The following MORN3 variants were observed in gnomAD, a reference collection of about 807,000 sequenced individuals.
MORN3 encodes MORN repeat containing 3, also known as MORN repeat-containing protein 3.
In MORN3, 38 loss-of-function variants were observed where a neutral mutation model predicts 34.7. That is an observed-to-expected ratio of 1.10 (90% CI 0.85 to 1.44). The LOEUF (loss-of-function observed/expected upper bound fraction) is 1.44. Ranked by LOEUF, MORN3 falls within the 40% of genes most tolerant of loss-of-function variation. The pLI, the probability that MORN3 is intolerant of heterozygous loss-of-function variation, is 0.00. For synonymous variants in MORN3, 109 were observed against 115.3 expected, an observed-to-expected ratio of 0.95 and a Z score of 0.35; for missense variants, 311 against 321.7, an observed-to-expected ratio of 0.97 and a Z score of 0.25.
Position 121,653,078 on chromosome 12 carries a change from A to G in MORN3, c.645T>C (p.Pro215=), listed in dbSNP as rs369562213. The G allele has an allele frequency of 6.2e-7, 1 of 1,609,556 alleles. No homozygotes were observed. Among genetic ancestry groups the G allele is most frequent in the East Asian group, 2.2e-5 (1 of 44,646 alleles). Reference sequence around the variant, plus strand: ...GGCCCTGGTGAGGGCTGCCCACCTCAGGAATGGGGAACTGAGTGGGCTCAG... The same window carrying G: ...GGCCCTGGTGAGGGCTGCCCACCTCGGGAATGGGGAACTGAGTGGGCTCAG... The part of the protein sequence containing the change: ...EAPEPTQFPI[P]EVKILDPDGV... Residue 215 remains proline, a synonymous_variant, in exon 4 of 6, where the codon CCT becomes CCC. Transcript: ENST00000355329.
rs1555324995 is a variant in MORN3 at position 121,650,970 on chromosome 12, G to C, written c.*681C>G. 6.6e-6 allele frequency: 1 copy of C among 152,224 alleles called. No individual in the cohort carries two copies. The highest frequency in any genetic ancestry group is 1.5e-5 in the Non-Finnish European group (1 of 68,074). The allele number at this position is 152,224 out of a possible 1,614,324, so 9.4% of individuals were successfully genotyped here. On this transcript the variant is annotated 3_prime_UTR_variant, in exon 6 of 6. Coordinates refer to ENST00000355329, the MANE Select transcript of MORN3 (RefSeq NM_173855.5). ...AGTTTCCATGGGATTTCAAGGTTGA[G>C]AGCCCTGTGTTAGGCTGAGAAGTGG...
chr12:121,671,894 AAG>A (rs1893979555), upstream of MORN3, among the ~76,000 whole-genome samples: 1 of 152,052 alleles, frequency 6.6e-6, no homozygotes, highest in African/African-American at 2.4e-5. Flanking sequence ...AAAAAAAAAA[AAG>A]ATTAGCAAAT....
At chr12:121,659,384 G>C in intron 1 of MORN3, 36 bp from the exon 2 acceptor site, 1 of 1,606,224 alleles carries the variant, frequency 6.2e-7, no homozygotes, top group East Asian at 2.2e-5. Flanking sequence ...TGCAGACATG[G>C]CCGCCGGGGG....
chr12:121,672,083 T>G (rs1471750212), upstream of MORN3, among the ~76,000 whole-genome samples: 1 of 152,160 alleles, frequency 6.6e-6, no homozygotes. Context: ...ACATAGGTTC[T>G]ACTCCGGAGG....
chr12:121,659,862 G>A lies in MORN3; in HGVS notation c.146-514C>T, dbSNP rs188668104. 1.9e-4 allele frequency among the ~76,000 whole-genome samples: 29 copies of A among 151,828 alleles called. 1 individual carries two copies. The highest frequency in any genetic ancestry group is 1.4e-3 in the Admixed American group (21 of 15,208). On this transcript the variant is annotated intron_variant, in intron 1 of 5. Coordinates refer to ENST00000355329, the MANE Select transcript of MORN3 (RefSeq NM_173855.5). ...ATTCTCTTATTTGTTGATTAGTGTC[G>A]CATGCCTGTCTTTTCCAGGAGAATG...
rs200961508 is a variant in MORN3, at chr12:121,653,203, G to A, written c.520C>T (p.Arg174Cys). ...WERGMKNGAG[R>C]FFHLDHGQLF... ...TGGCCGTGGTCCAGATGGAAGAAAC[G>A]CCCCGCCCCGTTCTTCATGCCTCTC... Residue 174 changes from arginine to cysteine, a missense_variant, in exon 4 of 6, where the codon CGT (arginine) becomes TGT (cysteine). By Grantham distance (180) the Arg-to-Cys change is radical (BLOSUM62 -3). Coordinates refer to ENST00000355329, the MANE Select transcript of MORN3 (RefSeq NM_173855.5). 174 of 1,614,030 alleles carry A rather than the reference G, an allele frequency of 1.1e-4. No homozygotes were observed. The highest frequency in any genetic ancestry group is 1.2e-4 in the African/African-American group (9 of 74,944).
chr12:121,654,304 TGTC>T lies in MORN3; in HGVS notation c.430_432del (p.Asp144del), dbSNP rs781901029. Reference sequence around the variant, plus strand: ...CGCAGCATGCCCTCCCCGTTGGGCTTGTCGTTCTCCCACTGTCCCTCGTAGATG... The same window carrying T: ...CGCAGCATGCCCTCCCCGTTGGGCTTGTTCTCCCACTGTCCCTCGTAGATG... On this transcript the variant is annotated inframe_deletion, in exon 3 of 6. Coordinates refer to ENST00000355329, the MANE Select transcript of MORN3 (RefSeq NM_173855.5). 5 of 1,597,704 alleles carry T rather than the reference TGTC, an allele frequency of 3.1e-6. No individual in the cohort carries two copies. Among genetic ancestry groups the T allele is most frequent in the Admixed American group, 1.7e-5 (1 of 57,392 alleles).
rs1208358365 is a variant in MORN3, at chr12:121,653,251, T to C, written c.472A>G (p.Asn158Asp). The C allele has an allele frequency of 6.2e-7, 1 of 1,613,740 alleles. No individual in the cohort carries two copies. The highest frequency in any genetic ancestry group is 8.5e-7 in the Non-Finnish European group (1 of 1,179,908). Residue 158 changes from asparagine to aspartate, a missense_variant, in exon 4 of 6, where the codon AAC becomes GAC. Coordinates refer to ENST00000355329, the MANE Select transcript of MORN3 (RefSeq NM_173855.5). ...GEGMLRLKNG[N>D]RYEGCWERGM... ...CTCTCCCAGCAGCCCTCGTAGCGGT[T>C]CCCGTTCTCTGGGGGAAAGGACAGG...
Position 121,653,201 on chromosome 12 carries a change from A to G in MORN3, c.522T>C (p.Arg174=), listed in dbSNP as rs1555325289. The G allele has an allele frequency of 1.9e-6, 3 of 1,614,100 alleles. No homozygotes were observed. In the South Asian group the frequency reaches 3.3e-5, roughly 18 times the overall value. The change falls in exon 4 of 6, where the codon CGT becomes CGC. Residue 174 remains arginine (R), a synonymous_variant. Coordinates refer to ENST00000355329, the MANE Select transcript of MORN3 (RefSeq NM_173855.5). ...GCTGGCCGTGGTCCAGATGGAAGAA[A>G]CGCCCCGCCCCGTTCTTCATGCCTC... is the stretch of plus-strand genomic sequence containing the variant. ...WERGMKNGAG[R]FFHLDHGQLF...
At chr12:121,657,141 G>C (rs1481352414) in intron 2 of MORN3, among the ~76,000 whole-genome samples, 1 of 152,086 alleles carries the variant, frequency 6.6e-6, no homozygotes, top group African/African-American at 2.4e-5. Context: ...ACTAACTTTG[G>C]GAGAAACTTA....
chr12:121,656,024 C>T (rs1234766577), intron 2 of MORN3, among the ~76,000 whole-genome samples: 1 of 152,084 alleles, frequency 6.6e-6, no homozygotes, highest in Non-Finnish European at 1.5e-5. Flanking sequence ...AGAAAGACTC[C>T]GTCTCAAAAA....
Position 121,648,831 on chromosome 12 carries a change from C to A in MORN3, c.*2820G>T, listed in dbSNP as rs1035694131. 1.3e-5 allele frequency: 2 copies of A among 152,186 alleles called. No individual in the cohort carries two copies. Among genetic ancestry groups the A allele is most frequent in the African/African-American group, 2.4e-5 (1 of 41,430 alleles). The allele number at this position is 152,186 out of a possible 1,614,324, so 9.4% of individuals were successfully genotyped here. ...ACACTGAAAAGTTGTTCTTCAGCTC[C>A]TGTTCCCAAGTCCCCAATTCTCCCC... is the stretch of plus-strand genomic sequence containing the variant. On this transcript the variant is annotated 3_prime_UTR_variant, in exon 6 of 6. Coordinates refer to ENST00000355329, the MANE Select transcript of MORN3 (RefSeq NM_173855.5).
chr12:121,659,450 G>GCCTGTCCCAGCTCTCT, intron 1 of MORN3, 102 bp from the exon 2 acceptor site: 1 of 1,203,436 alleles, frequency 8.3e-7, no homozygotes, highest in Non-Finnish European at 1.2e-6. Flanking sequence ...CGAATCTAGA[G>GCCTGTCCCAGCTCTCT]AGCTGGGACA....
intron 2 of MORN3, 26 bp downstream of exon 2, chr12:121,659,137 GCACACACACACACACACACACACACACA>G (rs57639477): frequency 2.1e-5 from 31 of 1,484,614 alleles, no homozygotes; most frequent in Non-Finnish European, 2.8e-5. Flanking sequence ...ACACACGCGC[GCACACACACACACACACACACACACACA>G]CACCCCGGCT....
intron 1 of MORN3, among the ~76,000 whole-genome samples, chr12:121,668,695 T>C (rs748283056): frequency 1.3e-5 from 2 of 152,172 alleles, no homozygotes; most frequent in African/African-American, 2.4e-5. Flanking sequence ...GCCTGTTTTT[T>C]TGAGACAGAG....
chr12:121,651,888 A>G (rs1464789128), intron 5 of MORN3, among the ~76,000 whole-genome samples: 27 of 152,128 alleles, frequency 1.8e-4, no homozygotes, highest in Admixed American at 1.4e-3. Flanking sequence ...AGAAGGTTTC[A>G]GGCAGGACTG....
chr12:121,666,952 CTTT>C (rs376062157), intron 1 of MORN3, among the ~76,000 whole-genome samples: 1 of 108,160 alleles, frequency 9.2e-6, no homozygotes, highest in African/African-American at 3.6e-5. Flanking sequence ...CCCACAACCT[CTTT>C]TTTTTTTTTT....
intron 1 of MORN3, among the ~76,000 whole-genome samples, chr12:121,661,262 C>A (rs1893572862): frequency 6.6e-6 from 1 of 152,048 alleles, no homozygotes; most frequent in South Asian, 2.1e-4. Context: ...CCAGGCATTT[C>A]TTTCTTTTTA....
At chr12:121,656,112 G>A (rs1201863074) in intron 2 of MORN3, among the ~76,000 whole-genome samples, 1 of 152,162 alleles carries the variant, frequency 6.6e-6, no homozygotes, top group Non-Finnish European at 1.5e-5. Flanking sequence ...AGGTTGGGTT[G>A]AGAAGCCAAG....
Sources: allele counts gnomAD v4.1 joint callset (sites outside exome capture counted in the v4.1 genomes callset), GRCh38; gene constraint gnomAD v4.1.1; transcripts MANE v1.5; gene names NCBI Gene and HGNC (gene_info 2026-07-23, HGNC 2026-07-21).